NALF1: variants seen among roughly 807,000 people sequenced by gnomAD.
NALF1 encodes the protein NALCN channel auxiliary factor 1, also known as family with sequence similarity 155 member A.
In NALF1, 3 loss-of-function variants were observed where a neutral mutation model predicts 48.4. The observed-to-expected ratio is 0.06, with a 90% CI of 0.03 to 0.16. The LOEUF is 0.16. Among genes scored for constraint, NALF1 ranks in the 10% least tolerant of loss-of-function variants. NALF1 has a pLI of 1.00. For synonymous variants in NALF1, 262 were observed against 245.7 expected (o/e 1.07, Z -0.62); for missense variants, 526 against 571.5 (o/e 0.92, Z 0.81).
At chr13:107,512,690 C>A (rs1416122599) in intron 1 of NALF1, among the ~76,000 whole-genome samples, 1 of 152,022 alleles carries the variant, frequency 6.6e-6, no homozygotes, top group Non-Finnish European at 1.5e-5. Flanking sequence ...GCAGTTTTTG[C>A]CGAAATTTCT....
In NALF1 at chr13:107,667,392, A is replaced by G. The variant is rs1471570409; in HGVS notation, c.915+198290T>C. Among the ~76,000 whole-genome samples, 8 of 152,246 alleles carry G rather than the reference A, an allele frequency of 5.3e-5. No homozygotes were observed. In the East Asian group the frequency reaches 1.4e-3, roughly 26 times the overall value. On this transcript the variant is annotated intron_variant, in intron 1 of 2. Transcript: ENST00000375915. ...CCCCCACTAAAAAGTTTTACTTCAT[A>G]TAATTTTAAAATACAAGTCAAAAGG...
intron 1 of NALF1, among the ~76,000 whole-genome samples, chr13:107,512,230 T>C (rs1016204098): frequency 1.3e-5 from 2 of 152,070 alleles, no homozygotes; most frequent in Non-Finnish European, 2.9e-5. Context: ...CCGTCTCTAC[T>C]AAAAATATGA....
chr13:107,769,472 T>C (rs1054738188), intron 1 of NALF1, among the ~76,000 whole-genome samples: 1 of 138,734 alleles, frequency 7.2e-6, no homozygotes, highest in African/African-American at 2.7e-5. Context: ...TTCTCACTCA[T>C]AGGTGGGAAT....
intron 1 of NALF1, among the ~76,000 whole-genome samples, chr13:107,519,538 A>G (rs1876169769): frequency 6.6e-6 from 1 of 152,174 alleles, no homozygotes; most frequent in Non-Finnish European, 1.5e-5. Flanking sequence ...TGGTTTATCC[A>G]GGGGTTTCCG....
At chr13:107,635,382 T>TA (rs564310396) in intron 1 of NALF1, among the ~76,000 whole-genome samples, 22 of 151,576 alleles carry the variant, frequency 1.5e-4, no homozygotes, top group Non-Finnish European at 2.4e-4. Context: ...AAACACTCCT[T>TA]AAAAAAAATC....
intron 1 of NALF1, among the ~76,000 whole-genome samples, chr13:107,227,214 C>T (rs1196846715): frequency 1.3e-5 from 2 of 152,172 alleles, no homozygotes; most frequent in Non-Finnish European, 2.9e-5. Flanking sequence ...TTTCGGCTGC[C>T]TTGATTTCTC....
intron 1 of NALF1, among the ~76,000 whole-genome samples, chr13:107,609,622 G>C (rs542692986): frequency 6.6e-6 from 1 of 152,138 alleles, no homozygotes; most frequent in Non-Finnish European, 1.5e-5. Flanking sequence ...GTGGGTCTCC[G>C]CAAGTGACAG....
At chr13:107,192,467 A>C (rs943228125) in intron 2 of NALF1, among the ~76,000 whole-genome samples, 9 of 152,230 alleles carry the variant, frequency 5.9e-5, no homozygotes, top group Non-Finnish European at 1.2e-4. Context: ...AGTCAACACC[A>C]CTAGAGGGTA....
intron 1 of NALF1, among the ~76,000 whole-genome samples, chr13:107,852,619 C>G (rs934211798): frequency 6.6e-6 from 1 of 152,164 alleles, no homozygotes; most frequent in African/African-American, 2.4e-5. Context: ...TCAGAACTGA[C>G]AGATCTTGGT....
chr13:107,273,335 G>C (rs151262054), intron 1 of NALF1, among the ~76,000 whole-genome samples: 105 of 152,124 alleles, frequency 6.9e-4, no homozygotes, highest in African/African-American at 2.5e-3. Flanking sequence ...TGTTCTTTTG[G>C]GGGGATGCCT....
intron 1 of NALF1, among the ~76,000 whole-genome samples, chr13:107,280,448 T>A (rs186819388): frequency 1.3e-5 from 2 of 152,350 alleles, no homozygotes; most frequent in East Asian, 3.9e-4. Context: ...ATAATCAGGT[T>A]TTCATCAAAC....
intron 1 of NALF1, among the ~76,000 whole-genome samples, chr13:107,568,642 TAATA>T (rs1877887325): frequency 6.6e-6 from 1 of 152,224 alleles, no homozygotes; most frequent in African/African-American, 2.4e-5. Flanking sequence ...TTAGTCACTC[TAATA>T]GATATGTACT....
chr13:107,763,737 A>G (rs1566472902), intron 1 of NALF1, among the ~76,000 whole-genome samples: 1 of 152,160 alleles, frequency 6.6e-6, no homozygotes. Flanking sequence ...ATCTACTAGT[A>G]AAATGTTTAC....
chr13:107,440,643 A>G (rs1316643488), intron 1 of NALF1, among the ~76,000 whole-genome samples: 1 of 152,116 alleles, frequency 6.6e-6, no homozygotes, highest in Non-Finnish European at 1.5e-5. Flanking sequence ...TAGAAAACTG[A>G]GCATCTGCTG....
At chr13:107,442,986 G>A (rs1884585247) in intron 1 of NALF1, among the ~76,000 whole-genome samples, 1 of 152,084 alleles carries the variant, frequency 6.6e-6, no homozygotes, top group Non-Finnish European at 1.5e-5. Flanking sequence ...ACATAAAATA[G>A]TGAAATAAAA....
At chr13:107,188,249 T>C (rs145078568) in intron 2 of NALF1, among the ~76,000 whole-genome samples, 1,716 of 152,338 alleles carry the variant, frequency 0.011, 12 homozygotes, top group Middle Eastern at 0.085. Context: ...ATGTTATCTA[T>C]AATTTACTTA....
chr13:107,181,549 T>A (rs1399623061), intron 2 of NALF1, among the ~76,000 whole-genome samples: 1 of 151,720 alleles, frequency 6.6e-6, no homozygotes, highest in Non-Finnish European at 1.5e-5. Context: ...TTATATTAAG[T>A]TCAACAATGT....
intron 1 of NALF1, among the ~76,000 whole-genome samples, chr13:107,441,654 G>A (rs1884561924): frequency 6.6e-6 from 1 of 152,178 alleles, no homozygotes; most frequent in African/African-American, 2.4e-5. Flanking sequence ...ACGTCAACAG[G>A]GCACTCAGGA....
chr13:107,692,088 A>G (rs939807955), intron 1 of NALF1, among the ~76,000 whole-genome samples: 2 of 152,220 alleles, frequency 1.3e-5, no homozygotes, highest in African/African-American at 2.4e-5. Flanking sequence ...CACATCAACC[A>G]TAATTACTTA....
Sources: allele counts gnomAD v4.1 joint callset (sites outside exome capture counted in the v4.1 genomes callset), GRCh38; gene constraint gnomAD v4.1.1; transcripts MANE v1.5; gene names NCBI Gene and HGNC (gene_info 2026-07-23, HGNC 2026-07-21).